GALNT13: variants seen among roughly 807,000 people sequenced by gnomAD.
GALNT13 encodes UDP-GalNAc:polypeptide N-acetylgalactosaminyltransferase 13.
Under a neutral mutation model 64.2 loss-of-function variants are expected in GALNT13, and 28 were observed. The observed-to-expected ratio is 0.44, with a 90% confidence interval of 0.32 to 0.60. The LOEUF (loss-of-function observed/expected upper bound fraction) is 0.60, where lower values mean the gene tolerates loss of function less well. Ranked by LOEUF, GALNT13 falls within the 20% of genes least tolerant of loss-of-function variation. The pLI, the probability that GALNT13 is intolerant of heterozygous loss-of-function variation, is 0.05. For synonymous variants in GALNT13, 214 were observed against 224.6 expected, an observed-to-expected ratio of 0.95 and a Z score of 0.42; for missense variants, 577 against 669.8, an observed-to-expected ratio of 0.86 and a Z score of 1.53.
At chr2:153,960,568 A>G (rs543815122) in intron 3 of GALNT13, among the ~76,000 whole-genome samples, 2 of 152,282 alleles carry the variant, frequency 1.3e-5, no homozygotes, top group South Asian at 4.1e-4. Context: ...TAAGAGATGA[A>G]GGGGTGGTTT....
chr2:153,922,384 A>G (rs1300478579), intron 2 of GALNT13, among the ~76,000 whole-genome samples: 1 of 152,224 alleles, frequency 6.6e-6, no homozygotes, highest in African/African-American at 2.4e-5. Flanking sequence ...ATTCAGCCAC[A>G]TAAACAGTGG....
intron 9 of GALNT13, among the ~76,000 whole-genome samples, chr2:154,335,371 G>C (rs1239650473): frequency 1.3e-5 from 2 of 151,914 alleles, no homozygotes; most frequent in Admixed American, 6.6e-5. Context: ...CCCTATCCAA[G>C]TATCTAAAAT....
chr2:154,325,328 A>G (rs1465392740), intron 9 of GALNT13, among the ~76,000 whole-genome samples: 1 of 152,078 alleles, frequency 6.6e-6, no homozygotes, highest in East Asian at 1.9e-4. Flanking sequence ...GATTATTCAA[A>G]GCCATCTTAA....
At chr2:153,935,125 C>G (rs773897124) in intron 2 of GALNT13, among the ~76,000 whole-genome samples, 4 of 152,170 alleles carry the variant, frequency 2.6e-5, no homozygotes, top group Non-Finnish European at 5.9e-5. Context: ...ACTCATGTTT[C>G]CCTGTGGTCC....
At chr2:154,087,824 A>G (rs772615048) in intron 3 of GALNT13, among the ~76,000 whole-genome samples, 5 of 149,304 alleles carry the variant, frequency 3.3e-5, no homozygotes, top group Non-Finnish European at 7.5e-5. Context: ...TATAAGTGGG[A>G]AGCTCACAAC....
the GALNT13 span, among the ~76,000 whole-genome samples, chr2:153,773,805 A>T: frequency 6.6e-6 from 1 of 152,216 alleles, no homozygotes; most frequent in African/African-American, 2.4e-5. Context: ...ACTTACATCT[A>T]ACTCACAGTT....
At chr2:154,433,766 T>A (rs1027632940) in intron 11 of GALNT13, among the ~76,000 whole-genome samples, 7 of 129,310 alleles carry the variant, frequency 5.4e-5, no homozygotes, top group African/African-American at 1.7e-4. Flanking sequence ...AAAAAAAAAA[T>A]TCATGTACAC....
At chr2:153,435,452 T>C in the GALNT13 span, among the ~76,000 whole-genome samples, 2 of 152,140 alleles carry the variant, frequency 1.3e-5, no homozygotes, top group Non-Finnish European at 2.9e-5. Flanking sequence ...TGATTCTTCC[T>C]ACCCATGAGC....
chr2:153,696,521 A>T, the GALNT13 span, among the ~76,000 whole-genome samples: 1 of 152,050 alleles, frequency 6.6e-6, no homozygotes, highest in African/African-American at 2.4e-5. Flanking sequence ...ACACCTACTA[A>T]GTTTTTTCCT....
the GALNT13 span, among the ~76,000 whole-genome samples, chr2:153,161,529 A>G: frequency 3.3e-5 from 5 of 152,150 alleles, no homozygotes; most frequent in African/African-American, 1.2e-4. Flanking sequence ...GAAATCTTAA[A>G]TGGGATGGTG....
At chr2:153,297,013 G>C in the GALNT13 span, among the ~76,000 whole-genome samples, 154 of 152,268 alleles carry the variant, frequency 1.0e-3, no homozygotes, top group African/African-American at 3.5e-3. Context: ...GAATGGAAGA[G>C]AGTATATTCC....
chr2:154,339,387 C>G (rs1307509780), intron 9 of GALNT13, among the ~76,000 whole-genome samples: 1 of 151,950 alleles, frequency 6.6e-6, no homozygotes, highest in Non-Finnish European at 1.5e-5. Flanking sequence ...ATTTTTCTTT[C>G]AGTGACTCAA....
chr2:153,455,688 G>A, the GALNT13 span, among the ~76,000 whole-genome samples: 156 of 152,252 alleles, frequency 1.0e-3, no homozygotes, highest in African/African-American at 3.6e-3. Context: ...GTTTAGCTCT[G>A]CTGTCCGCGG....
chr2:153,478,233 G>C, the GALNT13 span: 7 of 1,606,474 alleles, frequency 4.4e-6, no homozygotes, highest in Non-Finnish European at 6.0e-6. Context: ...GGCAGAGGGC[G>C]GGTCAGTAGG....
the GALNT13 span, among the ~76,000 whole-genome samples, chr2:153,820,725 T>C: frequency 6.6e-5 from 10 of 152,006 alleles, no homozygotes; most frequent in Non-Finnish European, 1.3e-4. Context: ...GTTCTAAACA[T>C]AAAAACAAAA....
At chr2:153,083,862 G>A in the GALNT13 span, among the ~76,000 whole-genome samples, 1 of 152,134 alleles carries the variant, frequency 6.6e-6, no homozygotes, top group Admixed American at 6.6e-5. Flanking sequence ...GAATTTTTAT[G>A]TTTTCAGGTC....
the GALNT13 span, among the ~76,000 whole-genome samples, chr2:153,454,494 A>G: frequency 6.6e-6 from 1 of 152,178 alleles, no homozygotes; most frequent in Admixed American, 6.5e-5. Flanking sequence ...TCCTTGGACA[A>G]CTGAAACAAC....
At chr2:154,417,517 A>ATTTTTT (rs775341273) in intron 11 of GALNT13, among the ~76,000 whole-genome samples, 1 of 127,040 alleles carries the variant, frequency 7.9e-6, no homozygotes, top group African/African-American at 3.2e-5. Flanking sequence ...TTATTTATTT[A>ATTTTTT]TTTATTTTTT....
chr2:153,267,101 A>C, the GALNT13 span, among the ~76,000 whole-genome samples: 2 of 152,204 alleles, frequency 1.3e-5, no homozygotes, highest in Admixed American at 6.5e-5. Flanking sequence ...TTAAATATTA[A>C]ATCTTCAAAA....
Sources: allele counts gnomAD v4.1 joint callset (sites outside exome capture counted in the v4.1 genomes callset), GRCh38; gene constraint gnomAD v4.1.1; transcripts MANE v1.5; gene names NCBI Gene and HGNC (gene_info 2026-07-23, HGNC 2026-07-21).